ZNF687: variants seen among roughly 807,000 people sequenced by gnomAD.
ZNF687 encodes zinc finger protein 687.
Under a neutral mutation model 71.8 loss-of-function variants are expected in ZNF687, and 13 were observed. The observed-to-expected ratio is 0.18, with a 90% CI of 0.12 to 0.29. ZNF687 has a LOEUF of 0.29. ZNF687 is among the 10% of genes least tolerant of loss of function. ZNF687 has a pLI of 1.00. For synonymous variants in ZNF687, 673 were observed against 641.6 expected (o/e 1.05, Z -0.74); for missense variants, 1,412 against 1,625.6 (o/e 0.87, Z 2.26).
intron 1 of ZNF687, chr1:151,285,057 G>T (rs1693883684): frequency 6.6e-6 from 1 of 152,052 alleles, no homozygotes; most frequent in African/African-American, 2.4e-5. Flanking sequence ...TTACAGATGT[G>T]AGCCACCACA....
At position 151,288,600 on chromosome 1, in the gene ZNF687, C is replaced by G; in HGVS notation, c.2188C>G (p.Arg730Gly). 6.2e-7 allele frequency: 1 copy of G among 1,614,134 alleles called. No individual in the cohort carries two copies. ...FSAHQRMHKN[R>G]PPHVCPECGG... ...CGCCCACCAGCGCATGCATAAGAAT[C>G]GACCCCCCCATGTCTGTCCTGAGTG... Residue 730 changes from arginine to glycine, a missense_variant, in exon 3 of 9, where the codon CGA (arginine) becomes GGA (glycine). Arg to Gly is a moderately radical substitution (Grantham distance 125, BLOSUM62 -2). Transcript: ENST00000336715.
rs772239352 is a variant in ZNF687 at position 151,289,882 on chromosome 1, G to A, written c.2839G>A (p.Glu947Lys). Residue 947 changes from glutamate to lysine, a missense_variant, in exon 6 of 9, where the codon GAA becomes AAA. Physicochemically the swap from Glu to Lys is moderately conservative, Grantham distance 56. This residue lies in a region of ZNF687 where 135 missense variants were observed against 104.1 expected (regional missense o/e 1.30). Transcript: ENST00000336715. The stretch of plus-strand genomic sequence containing the variant: ...CCGTCCAGCCAAACGGCCTCGGCGG[G>A]AACTAGGGAGCAAAGGCCTCAAGGG... ...PPRPAKRPRR[E>K]LGSKGLKGGG... 3 of 1,562,050 alleles carry A rather than the reference G, an allele frequency of 1.9e-6. No homozygotes were observed. Among genetic ancestry groups the A allele is most frequent in the Non-Finnish European group, 2.6e-6 (3 of 1,152,370 alleles).
intron 1 of ZNF687, 23 bp from the exon 2 acceptor site, chr1:151,286,252 C>T (rs1693940630): frequency 2.0e-6 from 3 of 1,511,430 alleles, no homozygotes; most frequent in Non-Finnish European, 2.7e-6. Flanking sequence ...TCAGTTTCTC[C>T]TCCTCGTTCC....
At chr1:151,281,522 G>C (rs962360184), upstream of ZNF687, 1 of 470,812 alleles carries the variant, frequency 2.1e-6, no homozygotes, top group African/African-American at 2.0e-5. Flanking sequence ...CCCCGCTTCC[G>C]GTCCGCGAGC....
rs770915268 is a variant in ZNF687, at chr1:151,288,061, C to A, written c.1770C>A (p.Leu590=). 2 of 1,613,902 alleles carry A rather than the reference C, an allele frequency of 1.2e-6. No homozygotes were observed. The highest frequency in any genetic ancestry group is 1.3e-5 in the African/African-American group (1 of 74,934). The change falls in exon 2 of 9, where the codon CTC becomes CTA. Residue 590 remains leucine (L), a synonymous_variant. Coordinates refer to ENST00000336715, the MANE Select transcript of ZNF687 (RefSeq NM_020832.3). ...LHAREHKDKG[L]VMQCSHLVMR... Reference sequence around the variant, plus strand: ...CACGTGAACACAAGGACAAGGGGCTCGTCATGCAGTGCTCACATTTGGTCA... The same window carrying A: ...CACGTGAACACAAGGACAAGGGGCTAGTCATGCAGTGCTCACATTTGGTCA...
chr1:151,288,078 A>G lies in ZNF687; in HGVS notation c.1787A>G (p.His596Arg). 1 of 1,614,024 alleles carries G rather than the reference A, an allele frequency of 6.2e-7. No individual in the cohort carries two copies. Among genetic ancestry groups the G allele is most frequent in the Non-Finnish European group, 8.5e-7 (1 of 1,180,042 alleles). Residue 596 changes from histidine (H) to arginine (R), a missense_variant, in exon 2 of 9, where the codon CAT (histidine) becomes CGT (arginine). Coordinates refer to ENST00000336715, the MANE Select transcript of ZNF687 (RefSeq NM_020832.3). ...KDKGLVMQCS[H>R]LVMRPVALDQ... is the part of the protein sequence containing the mutation. ...AAGGGGCTCGTCATGCAGTGCTCACATTTGGTCATGAGGCCTGTAGCCCTT... is the reference window on the plus strand; with the variant it reads ...AAGGGGCTCGTCATGCAGTGCTCACGTTTGGTCATGAGGCCTGTAGCCCTT...
chr1:151,284,090 T>C, intron 1 of ZNF687: 1 of 985,384 alleles, frequency 1.0e-6, no homozygotes, highest in Non-Finnish European at 1.2e-6. Flanking sequence ...TTTTTGCACT[T>C]GGCCAGGTTG....
Position 151,287,235 on chromosome 1 carries a change from A to G in ZNF687, c.944A>G (p.Asp315Gly). The G allele has an allele frequency of 6.2e-7, 1 of 1,614,162 alleles. No homozygotes were observed. Among genetic ancestry groups the G allele is most frequent in the Non-Finnish European group, 8.5e-7 (1 of 1,180,022 alleles). ...AGTGGGGCCGAGGCTGCAGATGAGGACAGCAATGACTCCCCTGCCTCCAGC... is the reference window on the plus strand; with the variant it reads ...AGTGGGGCCGAGGCTGCAGATGAGGGCAGCAATGACTCCCCTGCCTCCAGC... ...PSSGAEAADEDSNDSPASSSS... is the reference protein window; with the variant it reads ...PSSGAEAADEGSNDSPASSSS... Residue 315 changes from aspartate to glycine, a missense_variant, in exon 2 of 9, where the codon GAC becomes GGC. Asp to Gly is a moderately conservative substitution (Grantham distance 94, BLOSUM62 -1). This residue lies in a region of ZNF687 where 490 missense variants were observed against 489.9 expected (regional missense o/e 1.00). Transcript: ENST00000336715. The surrounding 1 kb of genome is among the most constrained non-coding windows in gnomAD (Gnocchi z 5.0).
chr1:151,284,030 C>T, intron 1 of ZNF687: 9 of 985,420 alleles, frequency 9.1e-6, no homozygotes, highest in Non-Finnish European at 1.1e-5. Flanking sequence ...CTGAGCTGGC[C>T]TGCTTGTTGG....
chr1:151,284,802 CTTTTTTTTTTTT>C lies in ZNF687; in HGVS notation c.-17-1457_-17-1446del, dbSNP rs869269504. On this transcript the variant is annotated intron_variant, in intron 1 of 8. Coordinates refer to ENST00000336715, the MANE Select transcript of ZNF687 (RefSeq NM_020832.3). ...ACTTGTGCTCTCTGCCTTGTCTTGTCTTTTTTTTTTTTTTTTTTTTTTTTTTTGAGACGGTAT... is the reference window on the plus strand; with the variant it reads ...ACTTGTGCTCTCTGCCTTGTCTTGTCTTTTTTTTTTTTTTTGAGACGGTAT... Among the ~76,000 whole-genome samples, 38 of 56,432 alleles carry C rather than the reference CTTTTTTTTTTTT, an allele frequency of 6.7e-4. 1 individual carries two copies. The highest frequency in any genetic ancestry group is 0.014 in the Middle Eastern group (1 of 70). 37.0% of individuals were successfully genotyped at this position (56,432 alleles called of 152,430 possible).
chr1:151,288,455 G>GT (rs1694052005), intron 2 of ZNF687, 49 bp downstream of exon 2: 1 of 1,582,716 alleles, frequency 6.3e-7, no homozygotes, highest in Admixed American at 1.7e-5. Flanking sequence ...CTAGGAAGGC[G>GT]TTGGGGGCTT....
intron 1 of ZNF687, 95 bp downstream of exon 1, chr1:151,282,490 C>A: frequency 1.1e-6 from 1 of 889,208 alleles, no homozygotes; most frequent in South Asian, 4.9e-5. Context: ...GTCAACTACC[C>A]CCTTCTCCGC....
At position 151,289,133 on chromosome 1, in the gene ZNF687, C is replaced by T. The variant is rs1173477611; in HGVS notation, c.2333C>T (p.Ser778Phe). The T allele has an allele frequency of 6.2e-7, 1 of 1,614,212 alleles. No homozygotes were observed. Among genetic ancestry groups the T allele is most frequent in the East Asian group, 2.2e-5 (1 of 44,884 alleles). ...TCAGTGGTGTTTGGGGGTGTGAACT[C>T]CATCAAGTCCCACATCCAGACGTCG... ...SCSVVFGGVNSIKSHIQTSHC... is the reference protein window; with the variant it reads ...SCSVVFGGVNFIKSHIQTSHC... Residue 778 changes from serine (S) to phenylalanine (F), a missense_variant, in exon 4 of 9, where the codon TCC becomes TTC. Ser to Phe is a radical substitution (Grantham distance 155). This residue lies in a region of ZNF687 where 7 missense variants were observed against 25.5 expected (regional missense o/e 0.27). Coordinates refer to ENST00000336715, the MANE Select transcript of ZNF687 (RefSeq NM_020832.3).
intron 7 of ZNF687, 69 bp downstream of exon 7, chr1:151,290,303 G>C (rs974987068): frequency 6.2e-7 from 1 of 1,608,290 alleles, no homozygotes; most frequent in African/African-American, 1.3e-5. Context: ...AAGTACCTGT[G>C]CACCTGCGAC....
At position 151,287,055 on chromosome 1, in the gene ZNF687, C is replaced by A. The variant is rs1693980457; in HGVS notation, c.764C>A (p.Pro255His). The change falls in exon 2 of 9, where the codon CCC becomes CAC. Residue 255 changes from proline (P) to histidine (H), a missense_variant. Coordinates refer to ENST00000336715, the MANE Select transcript of ZNF687 (RefSeq NM_020832.3). This position sits in a 1 kb window ranked among gnomAD's most constrained non-coding sequence, Gnocchi z 5.0. ...ATDIPASASP[P>H]PVAGVPFFKQ... ...GACATCCCTGCCAGTGCCTCGCCTC[C>A]CCCAGTTGCTGGGGTGCCCTTCTTC... 4 of 1,610,844 alleles carry A rather than the reference C, an allele frequency of 2.5e-6. No homozygotes were observed. Among genetic ancestry groups the A allele is most frequent in the Admixed American group, 1.7e-5 (1 of 59,822 alleles).
In ZNF687 at chr1:151,289,344, A is replaced by G. The variant is rs773758214; in HGVS notation, c.2472-34A>G. Reference sequence around the variant, plus strand: ...CGCAGGAGGGGAGGGGCTGCACCCAACCCTGCCTGATGTCTGCACTGTCCT... The same window carrying G: ...CGCAGGAGGGGAGGGGCTGCACCCAGCCCTGCCTGATGTCTGCACTGTCCT... On this transcript the variant is annotated intron_variant, in intron 4 of 8. Transcript: ENST00000336715. 68 of 1,613,770 alleles carry G rather than the reference A, an allele frequency of 4.2e-5. No individual in the cohort carries two copies. The Middle Eastern group carries it at 6.6e-4, about 16-fold the overall frequency.
At chr1:151,283,786 C>T (rs913251740) in intron 1 of ZNF687, 1 of 979,028 alleles carries the variant, frequency 1.0e-6, no homozygotes, top group African/African-American at 1.8e-5. Flanking sequence ...GAGGACTCCC[C>T]CTTTGGTTTT....
Position 151,286,795 on chromosome 1 carries a change from T to C in ZNF687, c.504T>C (p.Pro168=). 2 of 1,614,232 alleles carry C rather than the reference T, an allele frequency of 1.2e-6. No homozygotes were observed. Among genetic ancestry groups the C allele is most frequent in the Non-Finnish European group, 1.7e-6 (2 of 1,180,038 alleles). The change falls in exon 2 of 9, where the codon CCT becomes CCC. Residue 168 remains proline, a synonymous_variant. Coordinates refer to ENST00000336715, the MANE Select transcript of ZNF687 (RefSeq NM_020832.3). ...TPLDLFAHFG[P]EPGDHSDPLP... ...TGGACCTGTTTGCTCATTTTGGCCC[T>C]GAGCCAGGGGACCACTCAGATCCGC...
chr1:151,284,134 A>G, intron 1 of ZNF687: 1 of 985,336 alleles, frequency 1.0e-6, no homozygotes, highest in Non-Finnish European at 1.2e-6. Context: ...TACTGTTGCC[A>G]CAGGAAAATG....
Sources: allele counts gnomAD v4.1 joint callset (sites outside exome capture counted in the v4.1 genomes callset), GRCh38; gene constraint gnomAD v4.1.1; regional missense constraint gnomAD v4.1.1; non-coding constraint Gnocchi (gnomAD v3.1); transcripts MANE v1.5; gene names NCBI Gene and HGNC (gene_info 2026-07-23, HGNC 2026-07-21).